SCEL: variants seen among roughly 807,000 people sequenced by gnomAD.
SCEL encodes sciellin.
SCEL carries 113 observed loss-of-function variants against 117.6 expected under a neutral mutation model. The observed-to-expected ratio is 0.96, with a 90% CI of 0.83 to 1.12. The LOEUF is 1.12. Ranked by LOEUF, SCEL falls within the 50% of genes most tolerant of loss-of-function variation. The pLI is 0.00. For missense variants in SCEL, 785 were observed against 810.8 expected (o/e 0.97, Z 0.39); for synonymous variants, 270 against 256.2 (o/e 1.05, Z -0.51).
chr13:77,562,549 C>T (rs1219989769), intron 4 of SCEL, among the ~76,000 whole-genome samples: 1 of 152,168 alleles, frequency 6.6e-6, no homozygotes, highest in Non-Finnish European at 1.5e-5. Context: ...GGTTTGTATA[C>T]CTAGAAATCA....
At chr13:77,612,816 A>T in intron 22 of SCEL, 75 bp from the exon 23 acceptor site, 1 of 806,900 alleles carries the variant, frequency 1.2e-6, no homozygotes, top group Non-Finnish European at 1.9e-6. Context: ...TCATTTGATT[A>T]ATATTAAGGT....
chr13:77,600,365 G>A (rs1438162179), intron 15 of SCEL, among the ~76,000 whole-genome samples: 2 of 152,018 alleles, frequency 1.3e-5, no homozygotes, highest in African/African-American at 2.4e-5. Flanking sequence ...CTGACCTCAC[G>A]TGATCTGCCC....
intron 27 of SCEL, among the ~76,000 whole-genome samples, chr13:77,622,112 T>C (rs1431515175): frequency 6.6e-6 from 1 of 152,230 alleles, no homozygotes; most frequent in Non-Finnish European, 1.5e-5. Context: ...AAGACAGATA[T>C]TCCTTTTGAA....
Position 77,617,854 on chromosome 13 carries a change from C to T in SCEL, c.1563C>T (p.Asn521=), listed in dbSNP as rs1243832812. The change falls in exon 26 of 33, where the codon AAC becomes AAT. Residue 521 remains asparagine (N), a synonymous_variant. Transcript: ENST00000349847. ...LIKVNPAVIR[N]NQSQDLDNLI... is the part of the protein sequence containing the mutation. Reference sequence around the variant, plus strand: ...AAGTAAATCCTGCAGTAATCAGAAACAATCAGAGGTATATATAGAAGCAGT... The same window carrying T: ...AAGTAAATCCTGCAGTAATCAGAAATAATCAGAGGTATATATAGAAGCAGT... 3 of 1,609,866 alleles carry T rather than the reference C, an allele frequency of 1.9e-6. No individual in the cohort carries two copies. The East Asian group carries it at 6.7e-5, about 36-fold the overall frequency.
At position 77,637,146 on chromosome 13, in the gene SCEL, A is replaced by G. The variant is rs778154071; in HGVS notation, c.1790A>G (p.Glu597Gly). ...NSKSPKDGYQ[E>G]NISGKYIQTV... is the part of the protein sequence containing the mutation. ...AAATCACCCAAGGATGGATATCAGG[A>G]GAATATCTCTGGAAAATACATACAA... is the stretch of plus-strand genomic sequence containing the variant. The change falls in exon 30 of 33, where the codon GAG (glutamate) becomes GGG (glycine). Residue 597 changes from glutamate (E) to glycine (G), a missense_variant. Glu to Gly is a moderately conservative substitution (Grantham distance 98). Transcript: ENST00000349847. 26 of 1,557,476 alleles carry G rather than the reference A, an allele frequency of 1.7e-5. No homozygotes were observed. The South Asian group carries it at 3.0e-4, about 18-fold the overall frequency.
intron 27 of SCEL, among the ~76,000 whole-genome samples, chr13:77,622,382 A>G (rs904895949): frequency 6.6e-6 from 1 of 152,224 alleles, no homozygotes; most frequent in Non-Finnish European, 1.5e-5. Flanking sequence ...AGTAAGAGAC[A>G]TAATTCCTGG....
intron 9 of SCEL, among the ~76,000 whole-genome samples, chr13:77,581,546 CA>C (rs1259474743): frequency 6.6e-6 from 1 of 152,214 alleles, no homozygotes; most frequent in East Asian, 1.9e-4. Context: ...CCGCCCCTGC[CA>C]GGGGGGCTCC....
chr13:77,551,040 G>A (rs141369795), intron 1 of SCEL, among the ~76,000 whole-genome samples: 15 of 152,312 alleles, frequency 9.8e-5, no homozygotes, highest in African/African-American at 3.6e-4. Flanking sequence ...TTAACACCAG[G>A]GCAGCAGCCT....
chr13:77,547,601 G>A lies in SCEL; in HGVS notation c.-19-8256G>A, dbSNP rs141985239. ...TTAGGTACCATGCTGGGATGGCTGAGGTCTTGATCAACTCTCAGATCATCA... is the reference window on the plus strand; with the variant it reads ...TTAGGTACCATGCTGGGATGGCTGAAGTCTTGATCAACTCTCAGATCATCA... On this transcript the variant is annotated intron_variant, in intron 1 of 32. Coordinates refer to ENST00000349847, the MANE Select transcript of SCEL (RefSeq NM_144777.3). Among the ~76,000 whole-genome samples, 1,465 of 152,264 alleles carry A rather than the reference G, an allele frequency of 9.6e-3. 20 individuals carry two copies. The highest frequency in any genetic ancestry group is 0.033 in the African/African-American group (1,355 of 41,542).
chr13:77,541,082 G>A (rs376194937), intron 1 of SCEL, among the ~76,000 whole-genome samples: 1 of 151,988 alleles, frequency 6.6e-6, no homozygotes, highest in Non-Finnish European at 1.5e-5. Context: ...ATTATAAAGG[G>A]AAAAATAGGG....
At position 77,613,878 on chromosome 13, in the gene SCEL, C is replaced by G. The variant is rs1279924706; in HGVS notation, c.1389-15C>G. On this transcript the variant is annotated splice_polypyrimidine_tract_variant and intron_variant, in intron 23 of 32. Coordinates refer to ENST00000349847, the MANE Select transcript of SCEL (RefSeq NM_144777.3). ...CCAGTATGAAATTTGCCGATTTCCT[C>G]TAATTTTGTTTTAGCAGTGAACAAG... 2 of 1,610,940 alleles carry G rather than the reference C, an allele frequency of 1.2e-6. No homozygotes were observed. The highest frequency in any genetic ancestry group is 1.7e-6 in the Non-Finnish European group (2 of 1,177,886).
chr13:77,609,343 T>G (rs954104157), intron 21 of SCEL, among the ~76,000 whole-genome samples: 1 of 152,214 alleles, frequency 6.6e-6, no homozygotes, highest in African/African-American at 2.4e-5. Flanking sequence ...TTTCCCAGGA[T>G]GGACTGGACA....
chr13:77,602,218 A>G (rs1442476331), intron 16 of SCEL, 94 bp downstream of exon 16: 7 of 1,045,070 alleles, frequency 6.7e-6, no homozygotes, highest in East Asian at 2.5e-5. Context: ...CCTTTGTGGC[A>G]GTGAACTCTT....
intron 21 of SCEL, 126 bp from the exon 22 acceptor site, chr13:77,609,921 C>T (rs2088513691): frequency 2.2e-6 from 1 of 460,080 alleles, no homozygotes; most frequent in Admixed American, 4.5e-5. Context: ...CCCCAGCCCT[C>T]TGAGATGATC....
At chr13:77,558,301 TC>T (rs1487931880) in intron 3 of SCEL, among the ~76,000 whole-genome samples, 1 of 152,042 alleles carries the variant, frequency 6.6e-6, no homozygotes, top group Non-Finnish European at 1.5e-5. Context: ...CTTCCCTGAT[TC>T]CCCCAGCCCA....
chr13:77,552,640 A>G (rs1432059970), intron 1 of SCEL, among the ~76,000 whole-genome samples: 1 of 152,176 alleles, frequency 6.6e-6, no homozygotes. Context: ...CCCATTCTGT[A>G]GGTTCCCTGT....
At chr13:77,602,989 T>G in intron 17 of SCEL, 87 bp from the exon 18 acceptor site, 2 of 797,186 alleles carry the variant, frequency 2.5e-6, no homozygotes, top group Non-Finnish European at 3.9e-6. Flanking sequence ...CTCCAAAAGC[T>G]TGAATTAATC....
At chr13:77,643,563 T>C (rs965308477) in intron 32 of SCEL, among the ~76,000 whole-genome samples, 1 of 152,130 alleles carries the variant, frequency 6.6e-6, no homozygotes, top group African/African-American at 2.4e-5. Context: ...AACGGTACTA[T>C]GTGAAAGGCA....
intron 4 of SCEL, among the ~76,000 whole-genome samples, chr13:77,560,832 A>G (rs1445574778): frequency 6.6e-6 from 1 of 152,204 alleles, no homozygotes; most frequent in Admixed American, 6.5e-5. Flanking sequence ...ATTTAAATGT[A>G]ATTAGAAAGG....
Sources: gnomAD v4.1 joint callset for allele counts (sites outside exome capture counted in the v4.1 genomes callset) on GRCh38, gnomAD v4.1.1 for gene constraint, MANE v1.5 for transcripts, NCBI Gene and HGNC (gene_info 2026-07-23, HGNC 2026-07-21) for gene names.